Variants in DNAH7 observed in about 807,000 individuals in gnomAD.
DNAH7 encodes the protein dynein axonemal heavy chain 7.
A neutral mutation model predicts 444.6 loss-of-function variants in DNAH7; 397 were observed. The ratio of observed to expected loss-of-function variants is 0.89; its 90% CI spans 0.82 to 0.97. The LOEUF is 0.97. Ranked by LOEUF, DNAH7 falls within the 50% of genes least tolerant of loss-of-function variation. The probability of loss-of-function intolerance (pLI) is 0.00; values close to 1 mark genes in which losing one functional copy is unlikely to be tolerated. For synonymous variants in DNAH7, 1,636 were observed against 1,624.4 expected, an observed-to-expected ratio of 1.01 and a Z score of -0.17; for missense variants, 4,902 against 4,800.8, an observed-to-expected ratio of 1.02 and a Z score of -0.62.
At chr2:195,775,459 T>C (rs942949881) in intron 60 of DNAH7, among the ~76,000 whole-genome samples, 3 of 152,130 alleles carry the variant, frequency 2.0e-5, no homozygotes, top group Admixed American at 6.6e-5. Flanking sequence ...ATAAAATAGG[T>C]AAAATTTTAG....
chr2:195,876,066 G>A (rs1203985914), intron 37 of DNAH7, among the ~76,000 whole-genome samples: 1 of 152,066 alleles, frequency 6.6e-6, no homozygotes, highest in Admixed American at 6.6e-5. Flanking sequence ...ATCTTCGTAG[G>A]TTAATAGCTT....
chr2:195,940,344 C>G (rs1433906609), intron 19 of DNAH7, among the ~76,000 whole-genome samples: 1 of 152,186 alleles, frequency 6.6e-6, no homozygotes, highest in African/African-American at 2.4e-5. Flanking sequence ...AACTGGACCC[C>G]TTCCTTACAC....
chr2:195,857,361 T>G lies in DNAH7; in HGVS notation c.8414+16A>C, dbSNP rs867514242. ...GACAGACCATACCAGCTGGATTTCT[T>G]TTTATCAGCACTTACTTATCATATG... On this transcript the variant is annotated intron_variant, in intron 44 of 64. Transcript: ENST00000312428. 2.0e-6 allele frequency: 3 copies of G among 1,532,436 alleles called. No homozygotes were observed. Among genetic ancestry groups the G allele is most frequent in the African/African-American group, 2.8e-5 (2 of 71,870 alleles). The allele number at this position is 1,532,436 out of a possible 1,614,324, so 94.9% of individuals were successfully genotyped here. A position where few individuals can be genotyped will look rare whatever the true frequency, so the allele number is the denominator to read the frequency against.
At chr2:195,776,762 C>T (rs1695084045) in intron 59 of DNAH7, among the ~76,000 whole-genome samples, 1 of 152,218 alleles carries the variant, frequency 6.6e-6, no homozygotes, top group Middle Eastern at 3.4e-3. Context: ...TTTATGCATA[C>T]ACACATATTT....
intron 31 of DNAH7, 83 bp from the exon 32 acceptor site, chr2:195,889,064 T>G (rs1387413659): frequency 1.8e-5 from 24 of 1,312,536 alleles, no homozygotes; most frequent in Admixed American, 4.6e-5. Flanking sequence ...ATTTCAAAAT[T>G]TTAAAATATA....
chr2:195,777,026 T>C (rs1695095579), intron 59 of DNAH7, among the ~76,000 whole-genome samples: 1 of 152,190 alleles, frequency 6.6e-6, no homozygotes, highest in Non-Finnish European at 1.5e-5. Flanking sequence ...TTGGGAGTGA[T>C]TTTTCCCTTT....
Position 195,816,954 on chromosome 2 carries a change from T to C in DNAH7, c.9435A>G (p.Lys3145=), listed in dbSNP as rs778038632. Residue 3145 remains lysine, a synonymous_variant, in exon 51 of 65, where the codon AAA becomes AAG. Coordinates refer to ENST00000312428, the MANE Select transcript of DNAH7 (RefSeq NM_018897.3). ...LQGAENKRQL[K]EIEDKILEVL... ...CTTCTAAAATCTTGTCTTCTATTTCTTTTAACTGCCTGGAATAAAACAAAA... is the reference window on the plus strand; with the variant it reads ...CTTCTAAAATCTTGTCTTCTATTTCCTTTAACTGCCTGGAATAAAACAAAA... 3 of 1,586,242 alleles carry C rather than the reference T, an allele frequency of 1.9e-6. No individual in the cohort carries two copies. The highest frequency in any genetic ancestry group is 1.9e-5 in the Admixed American group (1 of 54,036).
At chr2:195,984,145 G>A (rs544556866) in intron 15 of DNAH7, among the ~76,000 whole-genome samples, 33 of 152,154 alleles carry the variant, frequency 2.2e-4, no homozygotes, top group African/African-American at 7.5e-4. Flanking sequence ...ACACCCAGAT[G>A]AGCCTGCTGG....
At chr2:195,962,820 CAATT>C (rs562097628) in intron 17 of DNAH7, among the ~76,000 whole-genome samples, 4 of 152,106 alleles carry the variant, frequency 2.6e-5, no homozygotes, top group Non-Finnish European at 5.9e-5. Flanking sequence ...TCCATGAGTT[CAATT>C]GTTTTACTTT....
At chr2:196,008,446 T>TA in intron 10 of DNAH7, among the ~76,000 whole-genome samples, 1 of 152,222 alleles carries the variant, frequency 6.6e-6, no homozygotes, top group East Asian at 1.9e-4. Flanking sequence ...CAAGAGAACT[T>TA]AAAAATATAT....
intron 57 of DNAH7, among the ~76,000 whole-genome samples, chr2:195,792,042 G>A (rs768038949): frequency 1.3e-5 from 2 of 151,682 alleles, no homozygotes; most frequent in East Asian, 1.9e-4. Flanking sequence ...TGGTGTGCAC[G>A]TGTAGTCCCA....
At chr2:195,822,377 C>A (rs1387704068) in intron 49 of DNAH7, among the ~76,000 whole-genome samples, 1 of 152,140 alleles carries the variant, frequency 6.6e-6, no homozygotes, top group Non-Finnish European at 1.5e-5. Flanking sequence ...CTTTTCAAAT[C>A]AAGCCATTTA....
intron 51 of DNAH7, among the ~76,000 whole-genome samples, chr2:195,811,204 A>G (rs1696952763): frequency 6.6e-6 from 1 of 152,196 alleles, no homozygotes; most frequent in South Asian, 2.1e-4. Context: ...ATAATCTTCC[A>G]GGAAAGGAAT....
Position 195,986,916 on chromosome 2 carries a change from CACTT to C in DNAH7, c.1754+146_1754+149del, listed in dbSNP as rs1172878312. 4 of 687,506 alleles carry C rather than the reference CACTT, an allele frequency of 5.8e-6. No homozygotes were observed. The African/African-American group carries it at 7.3e-5, about 13-fold the overall frequency. 42.6% of individuals were successfully genotyped at this position (687,506 alleles called of 1,614,324 possible). A position where few individuals can be genotyped will look rare whatever the true frequency, so the allele number is the denominator to read the frequency against. ...TACTAATAATCACATCACAAAGTGA[CACTT>C]AAAGCCAAGCAGAAATAAGTTTAGC... is the stretch of plus-strand genomic sequence containing the variant. On this transcript the variant is annotated intron_variant, in intron 14 of 64. Transcript: ENST00000312428.
At chr2:195,990,695 C>CTACAA (rs1472479944) in intron 12 of DNAH7, among the ~76,000 whole-genome samples, 2 of 150,060 alleles carry the variant, frequency 1.3e-5, no homozygotes, top group African/African-American at 4.9e-5. Context: ...GGATTTATTT[C>CTACAA]TAGGTTATCT....
In DNAH7 at chr2:195,906,966, T is replaced by C; in HGVS notation, c.4148A>G (p.Asn1383Ser). Reference protein sequence around the residue: ...CGAWACFDEFNRIDLEVLSVV... With the variant: ...CGAWACFDEFSRIDLEVLSVV... ...AGAGAGTACTTCCAAATCAATTCTG[T>C]TAAACTCATCAAAGCAAGCCCAGGC... is the stretch of plus-strand genomic sequence containing the variant. The change falls in exon 26 of 65, where the codon AAC becomes AGC. Residue 1383 changes from asparagine to serine, a missense_variant. Asn to Ser is a conservative substitution (Grantham distance 46, BLOSUM62 1). Transcript: ENST00000312428. 8 of 1,613,282 alleles carry C rather than the reference T, an allele frequency of 5.0e-6. No homozygotes were observed. The highest frequency in any genetic ancestry group is 5.9e-6 in the Non-Finnish European group (7 of 1,179,538).
chr2:195,982,739 G>A (rs1692657720), intron 15 of DNAH7, among the ~76,000 whole-genome samples: 1 of 152,172 alleles, frequency 6.6e-6, no homozygotes, highest in Admixed American at 6.5e-5. Flanking sequence ...AACTTTGCAT[G>A]TTCACACTTA....
intron 24 of DNAH7, among the ~76,000 whole-genome samples, chr2:195,917,782 G>A (rs936866157): frequency 6.6e-6 from 1 of 152,114 alleles, no homozygotes; most frequent in Non-Finnish European, 1.5e-5. Flanking sequence ...AGCCTTCAAT[G>A]TAGCTAGGAC....
chr2:196,066,266 T>C (rs1575136611), intron 1 of DNAH7, among the ~76,000 whole-genome samples: 1 of 152,252 alleles, frequency 6.6e-6, no homozygotes, highest in Admixed American at 6.5e-5. Context: ...CTGATTTAAA[T>C]ATAGTTGTCA....
Sources: gnomAD v4.1 joint callset for allele counts (sites outside exome capture counted in the v4.1 genomes callset) on GRCh38, gnomAD v4.1.1 for gene constraint, MANE v1.5 for transcripts, NCBI Gene and HGNC (gene_info 2026-07-23, HGNC 2026-07-21) for gene names.